MAML3: variants seen among roughly 807,000 people sequenced by gnomAD.
MAML3 encodes the protein mastermind like transcriptional coactivator 3.
In MAML3, 27 loss-of-function variants were observed where a neutral mutation model predicts 101.9. The observed-to-expected ratio is 0.27, with a 90% CI of 0.20 to 0.37. The LOEUF (loss-of-function observed/expected upper bound fraction) is 0.37. Ranked by LOEUF, MAML3 falls within the 10% of genes least tolerant of loss-of-function variation. The probability of loss-of-function intolerance (pLI) is 1.00; values close to 1 mark genes in which losing one functional copy is unlikely to be tolerated. For synonymous variants in MAML3, 501 were observed against 555.9 expected (o/e 0.90, Z 1.39); for missense variants, 1,316 against 1,444.9 (o/e 0.91, Z 1.45).
intron 1 of MAML3, among the ~76,000 whole-genome samples, chr4:140,080,075 G>A (rs908003599): frequency 7.2e-5 from 11 of 152,124 alleles, no homozygotes; most frequent in African/African-American, 2.7e-4. Context: ...CGGAGTGTAT[G>A]GCAGTTAATT....
At position 139,889,721 on chromosome 4, in the gene MAML3, T is replaced by C. The variant is rs1732423908; in HGVS notation, c.1715A>G (p.Gln572Arg). 1.2e-6 allele frequency: 2 copies of C among 1,614,038 alleles called. No individual in the cohort carries two copies. The highest frequency in any genetic ancestry group is 4.5e-5 in the East Asian group (2 of 44,886). ...CTGATTGATCATATTCATGTGATTC[T>C]GAGGGAGGTAGTTATTCATTGTTGT... is the stretch of plus-strand genomic sequence containing the variant. Reference protein sequence around the residue: ...QKTTMNNYLPQNHMNMINQQP... With the variant: ...QKTTMNNYLPRNHMNMINQQP... The change falls in exon 2 of 5, where the codon CAG becomes CGG. Residue 572 changes from glutamine to arginine, a missense_variant. By Grantham distance (43) the Gln-to-Arg change is conservative (BLOSUM62 1). Coordinates refer to ENST00000509479, the MANE Select transcript of MAML3 (RefSeq NM_018717.5).
chr4:139,845,855 T>C (rs1731434392), intron 2 of MAML3, among the ~76,000 whole-genome samples: 1 of 152,246 alleles, frequency 6.6e-6, no homozygotes, highest in Non-Finnish European at 1.5e-5. Context: ...GCTCAACAGA[T>C]TGAATCTGTG....
At chr4:140,030,222 T>C (rs574963908) in intron 1 of MAML3, among the ~76,000 whole-genome samples, 29 of 152,314 alleles carry the variant, frequency 1.9e-4, no homozygotes, top group Non-Finnish European at 8.8e-5. Flanking sequence ...CATCTTTAAA[T>C]GTCCCACCGA....
chr4:139,730,714 TCA>T (rs1728672699), intron 2 of MAML3, 47 bp from the exon 3 acceptor site: 2 of 1,543,492 alleles, frequency 1.3e-6, no homozygotes, highest in Non-Finnish European at 1.8e-6. Context: ...CCATAGAGAC[TCA>T]CTGCTGTTTG....
chr4:139,805,736 A>C (rs1225945903), intron 2 of MAML3, among the ~76,000 whole-genome samples: 2 of 152,158 alleles, frequency 1.3e-5, no homozygotes, highest in South Asian at 2.1e-4. Context: ...GAATTTAATA[A>C]ATTTTTTATA....
chr4:139,949,914 C>T (rs1022153173), intron 1 of MAML3, among the ~76,000 whole-genome samples: 1 of 152,238 alleles, frequency 6.6e-6, no homozygotes, highest in South Asian at 2.1e-4. Context: ...AGGTGGGCCT[C>T]ATCCAGTGAG....
chr4:139,733,011 C>T (rs1302910044), intron 2 of MAML3, among the ~76,000 whole-genome samples: 1 of 152,136 alleles, frequency 6.6e-6, no homozygotes, highest in East Asian at 1.9e-4. Context: ...CAGGACTAAC[C>T]CTTGCAGGGG....
chr4:140,083,965 C>CAGAG (rs1727908411), intron 1 of MAML3, among the ~76,000 whole-genome samples: 2 of 63,202 alleles, frequency 3.2e-5, no homozygotes, highest in African/African-American at 1.4e-4. Context: ...CACACACACA[C>CAGAG]ACAGAGAGAG....
intron 1 of MAML3, among the ~76,000 whole-genome samples, chr4:140,066,547 G>A (rs1727539982): frequency 6.6e-6 from 1 of 152,154 alleles, no homozygotes; most frequent in African/African-American, 2.4e-5. Context: ...ACATGTATGT[G>A]GAAAGATGTG....
intron 1 of MAML3, among the ~76,000 whole-genome samples, chr4:139,891,915 T>C (rs771285056): frequency 1.3e-5 from 2 of 152,216 alleles, no homozygotes; most frequent in Admixed American, 6.5e-5. Flanking sequence ...CTTTACCAGC[T>C]CTTTCTCAAT....
intron 1 of MAML3, chr4:140,133,937 T>C (rs1333830780): frequency 8.5e-6 from 3 of 353,510 alleles, no homozygotes; most frequent in South Asian, 2.2e-5. Flanking sequence ...TTTTTACCCA[T>C]ACTTAACACC....
At chr4:140,132,241 A>C (rs978237948) in intron 1 of MAML3, among the ~76,000 whole-genome samples, 2 of 152,248 alleles carry the variant, frequency 1.3e-5, no homozygotes, top group African/African-American at 2.4e-5. Context: ...CCTGTAAGAA[A>C]AGAGTGAATC....
chr4:140,091,540 A>AAC lies in MAML3; in HGVS notation c.468+61319_468+61320insGT, dbSNP rs1302480961. ...AAAACAAAACAAAACAACAAAACAAAAACAAAACAAAAAAAAAAAACAGGA... is the reference window on the plus strand; with the variant it reads ...AAAACAAAACAAAACAACAAAACAAAACAACAAAACAAAAAAAAAAAACAGGA... On this transcript the variant is annotated intron_variant, in intron 1 of 4. Coordinates refer to ENST00000509479, the MANE Select transcript of MAML3 (RefSeq NM_018717.5). Among the ~76,000 whole-genome samples, 68 of 139,508 alleles carry AAC rather than the reference A, an allele frequency of 4.9e-4. 1 individual carries two copies. In the East Asian group the frequency reaches 5.9e-3, roughly 12 times the overall value. 91.5% of individuals were successfully genotyped at this position (139,508 alleles called of 152,430 possible). A position where few individuals can be genotyped will look rare whatever the true frequency, so the allele number is the denominator to read the frequency against.
chr4:140,015,692 G>A (rs953831951), intron 1 of MAML3, among the ~76,000 whole-genome samples: 9 of 152,182 alleles, frequency 5.9e-5, no homozygotes, highest in South Asian at 2.1e-4. Context: ...GGTGGCTTAC[G>A]CCTGTAATCC....
At chr4:140,122,331 C>G (rs1728620168) in intron 1 of MAML3, among the ~76,000 whole-genome samples, 1 of 151,132 alleles carries the variant, frequency 6.6e-6, no homozygotes, top group Non-Finnish European at 1.5e-5. Flanking sequence ...AGCAATTCTC[C>G]TACCTCAGCC....
chr4:139,780,983 T>G (rs80254095), intron 2 of MAML3, among the ~76,000 whole-genome samples: 4,249 of 152,184 alleles, frequency 0.028, 130 homozygotes, highest in African/African-American at 0.071. Flanking sequence ...AATTCCCCTT[T>G]GCTCATAGGA....
chr4:140,019,011 AT>A (rs11321693), intron 1 of MAML3, among the ~76,000 whole-genome samples: 104,823 of 150,718 alleles, frequency 0.7, 40,133 homozygotes, highest in East Asian at 0.94. Context: ...CTGAAGAATA[AT>A]TTTTTTTCTC....
intron 2 of MAML3, among the ~76,000 whole-genome samples, chr4:139,762,034 G>A (rs1729769364): frequency 6.6e-6 from 1 of 152,224 alleles, no homozygotes; most frequent in South Asian, 2.1e-4. Context: ...AGCCCAGGGA[G>A]CCCAGTGTGG....
At chr4:139,898,178 A>T (rs577338409) in intron 1 of MAML3, among the ~76,000 whole-genome samples, 2 of 152,254 alleles carry the variant, frequency 1.3e-5, no homozygotes, top group Non-Finnish European at 2.9e-5. Flanking sequence ...AGAGCTCTCA[A>T]ATAACCACAA....
Sources: gnomAD v4.1 joint callset for allele counts (sites outside exome capture counted in the v4.1 genomes callset) on GRCh38, gnomAD v4.1.1 for gene constraint, MANE v1.5 for transcripts, NCBI Gene and HGNC (gene_info 2026-07-23, HGNC 2026-07-21) for gene names.